Variants in PARK7 observed in about 807,000 individuals in gnomAD.
PARK7 encodes the protein Parkinsonism associated deglycase.
A neutral mutation model predicts 20.5 loss-of-function variants in PARK7; 14 were observed. That is an observed-to-expected ratio of 0.68 (90% CI 0.45 to 1.07). The LOEUF is 1.07. Among genes scored for constraint, PARK7 ranks in the 50% least tolerant of loss-of-function variants. PARK7 has a pLI of 0.00. For missense variants in PARK7, 234 were observed against 238.1 expected, an observed-to-expected ratio of 0.98 and a Z score of 0.11; for synonymous variants, 98 against 84.3, an observed-to-expected ratio of 1.16 and a Z score of -0.89.
chr1:7,976,296 A>G (rs1640582698), intron 5 of PARK7, among the ~76,000 whole-genome samples: 1 of 152,230 alleles, frequency 6.6e-6, no homozygotes, highest in African/African-American at 2.4e-5. Context: ...GTGAGGCCTT[A>G]GAAAGAATGT....
chr1:7,970,626 T>C (rs1448322568), intron 4 of PARK7, among the ~76,000 whole-genome samples: 1 of 152,138 alleles, frequency 6.6e-6, no homozygotes, highest in Non-Finnish European at 1.5e-5. Context: ...CTCCCTGGAG[T>C]ACAAAATGGC....
intron 3 of PARK7, chr1:7,969,050 C>G (rs1047149101): frequency 1.2e-5 from 4 of 324,586 alleles, no homozygotes; most frequent in African/African-American, 8.5e-5. Flanking sequence ...ACGCATACAT[C>G]TACACACAAA....
intron 6 of PARK7, among the ~76,000 whole-genome samples, chr1:7,979,848 A>T (rs1159928238): frequency 6.6e-6 from 1 of 152,070 alleles, no homozygotes; most frequent in Non-Finnish European, 1.5e-5. Flanking sequence ...TATCATTAAA[A>T]CGATCTGTTT....
chr1:7,963,003 TA>T, intron 2 of PARK7, 128 bp downstream of exon 2: 1 of 770,376 alleles, frequency 1.3e-6, no homozygotes, highest in South Asian at 1.5e-5. Context: ...AGAGATGACA[TA>T]AGAATAAATA....
intron 5 of PARK7, among the ~76,000 whole-genome samples, chr1:7,972,225 G>T (rs1430379654): frequency 6.6e-6 from 1 of 152,164 alleles, no homozygotes; most frequent in African/African-American, 2.4e-5. Context: ...ATTTTGGGAG[G>T]CCAAGGCAGA....
Position 7,962,873 on chromosome 1 carries a change from G to T in PARK7, c.88G>T (p.Gly30Trp). ...CCCTGTAGATGTCATGAGGCGAGCT[G>T]GGGTAAGTCCCACATCGATTTTTAG... Reference protein sequence around the residue: ...VIPVDVMRRAGIKVTVAGLAG... With the variant: ...VIPVDVMRRAWIKVTVAGLAG... The change falls in exon 2 of 7, where the codon GGG becomes TGG. Residue 30 changes from glycine to tryptophan, a missense_variant and splice_region_variant. By Grantham distance (184) the Gly-to-Trp change is radical. Transcript: ENST00000338639. The T allele has an allele frequency of 6.2e-7, 1 of 1,612,366 alleles. No homozygotes were observed.
At position 7,985,204 on chromosome 1, in the gene PARK7, A is replaced by G. The variant is rs1640795731; in HGVS notation, c.*150A>G. 1.9e-6 allele frequency: 2 copies of G among 1,043,212 alleles called. No individual in the cohort carries two copies. The highest frequency in any genetic ancestry group is 2.8e-6 in the Non-Finnish European group (2 of 703,396). The allele number at this position is 1,043,212 out of a possible 1,614,324, so 64.6% of individuals were successfully genotyped here. A position where few individuals can be genotyped will look rare whatever the true frequency, so the allele number is the denominator to read the frequency against. Reference sequence around the variant, plus strand: ...GGAAGTATGGAAGTCACAACTACACAGAGATTTCTCAGCCTACAAATTGTG... The same window carrying G: ...GGAAGTATGGAAGTCACAACTACACGGAGATTTCTCAGCCTACAAATTGTG... On this transcript the variant is annotated 3_prime_UTR_variant, in exon 7 of 7. Transcript: ENST00000338639.
At chr1:7,963,810 C>G (rs1231175086) in intron 2 of PARK7, among the ~76,000 whole-genome samples, 1 of 136,136 alleles carries the variant, frequency 7.3e-6, no homozygotes, top group Admixed American at 7.9e-5. Flanking sequence ...TGTATCCATG[C>G]ATGTGTGTCT....
intron 4 of PARK7, among the ~76,000 whole-genome samples, chr1:7,970,621 T>A (rs1640445462): frequency 6.6e-6 from 1 of 152,218 alleles, no homozygotes; most frequent in Non-Finnish European, 1.5e-5. Flanking sequence ...TCTTTCTCCC[T>A]GGAGTACAAA....
chr1:7,973,585 G>A (rs967683765), intron 5 of PARK7, among the ~76,000 whole-genome samples: 3 of 151,922 alleles, frequency 2.0e-5, no homozygotes, highest in South Asian at 2.1e-4. Flanking sequence ...GTGGTGGCGC[G>A]TGCCTGTAAT....
chr1:7,980,583 G>A (rs551096242), intron 6 of PARK7, among the ~76,000 whole-genome samples: 3 of 152,296 alleles, frequency 2.0e-5, no homozygotes, highest in South Asian at 4.1e-4. Context: ...CCAGCCCTCT[G>A]CCTTGCATCC....
At chr1:7,977,616 A>G (rs374679914) in intron 5 of PARK7, 36 bp from the exon 6 acceptor site, 87 of 1,575,802 alleles carry the variant, frequency 5.5e-5, no homozygotes, top group Non-Finnish European at 6.6e-5. Context: ...GGGCTTTTCT[A>G]TATCTGCACT....
Position 7,965,367 on chromosome 1 carries a change from A to G in PARK7, c.134A>G (p.Gln45Arg). Residue 45 changes from glutamine (Q) to arginine (R), a missense_variant, in exon 3 of 7, where the codon CAG becomes CGG. Physicochemically the swap from Gln to Arg is conservative, Grantham distance 43. Coordinates refer to ENST00000338639, the MANE Select transcript of PARK7 (RefSeq NM_007262.5). ...VAGLAGKDPV[Q>R]CSRDVVICPD... ...GGCCTGGCTGGAAAAGACCCAGTAC[A>G]GTGTAGCCGTGATGTGGTCATTTGT... 1.2e-6 allele frequency: 2 copies of G among 1,614,218 alleles called. No individual in the cohort carries two copies. The highest frequency in any genetic ancestry group is 2.2e-5 in the East Asian group (1 of 44,894).
At chr1:7,981,306 A>G (rs973214786) in intron 6 of PARK7, among the ~76,000 whole-genome samples, 2 of 152,216 alleles carry the variant, frequency 1.3e-5, no homozygotes, top group Non-Finnish European at 2.9e-5. Flanking sequence ...ACGCCACTGC[A>G]TGCCACCACT....
At chr1:7,969,294 C>G in intron 3 of PARK7, 51 bp from the exon 4 acceptor site, 1 of 1,423,192 alleles carries the variant, frequency 7.0e-7, no homozygotes, top group Non-Finnish European at 9.9e-7. Context: ...CAATTTAATG[C>G]ACAGTTGAAA....
intron 5 of PARK7, among the ~76,000 whole-genome samples, chr1:7,974,847 A>G (rs969069594): frequency 2.3e-5 from 3 of 129,388 alleles, no homozygotes; most frequent in Admixed American, 1.6e-4. Context: ...GAAAAATAAG[A>G]TTCTTTTTTT....
chr1:7,968,608 T>C (rs1640382557), intron 3 of PARK7, among the ~76,000 whole-genome samples: 1 of 152,076 alleles, frequency 6.6e-6, no homozygotes, highest in African/African-American at 2.4e-5. Flanking sequence ...CTCTGCCTCC[T>C]AGGTTCAAGC....
At chr1:7,973,777 G>A (rs12563704) in intron 5 of PARK7, among the ~76,000 whole-genome samples, 30,892 of 151,634 alleles carry the variant, frequency 0.2, 4,005 homozygotes, top group East Asian at 0.63. Flanking sequence ...GCATGGTGGC[G>A]CATGCCTGTC....
In PARK7 at chr1:7,965,399, G is replaced by A. The variant is rs114601558; in HGVS notation, c.166G>A (p.Ala56Thr). 1,236 of 1,614,158 alleles carry A rather than the reference G, an allele frequency of 7.7e-4. 12 individuals carry two copies. In the African/African-American group the frequency reaches 0.015, roughly 20 times the overall value. The change falls in exon 3 of 7, where the codon GCC becomes ACC. Residue 56 changes from alanine to threonine, a missense_variant. Transcript: ENST00000338639. The part of the protein sequence containing the change: ...CSRDVVICPD[A>T]SLEDAKKEGP... ...CCGTGATGTGGTCATTTGTCCTGAT[G>A]CCAGCCTTGAAGATGCAAAAAAAGA...
Sources: allele counts gnomAD v4.1 joint callset (sites outside exome capture counted in the v4.1 genomes callset), GRCh38; gene constraint gnomAD v4.1.1; transcripts MANE v1.5; gene names NCBI Gene and HGNC (gene_info 2026-07-23, HGNC 2026-07-21).